OR2L13: variants seen among roughly 807,000 people sequenced by gnomAD.
OR2L13 encodes the protein olfactory receptor family 2 subfamily L member 13, also known as olfactory receptor 2L13.
Under a neutral mutation model 15.3 loss-of-function variants are expected in OR2L13, and 14 were observed. That is an observed-to-expected ratio of 0.91 (90% CI 0.60 to 1.43). The LOEUF is 1.43. Ranked by LOEUF, OR2L13 falls within the 40% of genes most tolerant of loss-of-function variation. The pLI, the probability that OR2L13 is intolerant of heterozygous loss-of-function variation, is 0.00. For synonymous variants in OR2L13, 152 were observed against 142.9 expected (o/e 1.06, Z -0.45); for missense variants, 367 against 387.9 (o/e 0.95, Z 0.45).
upstream of OR2L13, among the ~76,000 whole-genome samples, chr1:248,092,931 A>T (rs1388724018): frequency 6.6e-6 from 1 of 152,186 alleles, no homozygotes; most frequent in Non-Finnish European, 1.5e-5. Flanking sequence ...CCTCTAAAGA[A>T]TTTATGTTTC....
At chr1:248,076,209 T>A in the OR2L13 span, among the ~76,000 whole-genome samples, 18 of 152,308 alleles carry the variant, frequency 1.2e-4, no homozygotes, top group South Asian at 1.0e-3. Flanking sequence ...GGTCTATAAT[T>A]CTGTTTTGGT....
the OR2L13 span, chr1:247,965,406 A>T: frequency 6.2e-7 from 1 of 1,611,724 alleles, no homozygotes. Flanking sequence ...GTTTTGGGAC[A>T]GATTTTCTAC....
chr1:248,017,762 A>G, the OR2L13 span, among the ~76,000 whole-genome samples: 1 of 152,090 alleles, frequency 6.6e-6, no homozygotes, highest in Non-Finnish European at 1.5e-5. Flanking sequence ...TCCTAGTGGG[A>G]TGGAGTTCTG....
chr1:247,990,565 A>G, the OR2L13 span: 10 of 1,565,074 alleles, frequency 6.4e-6, 1 homozygote, highest in South Asian at 2.2e-5. Context: ...TGGGATTCAG[A>G]GTTTCTTCTT....
the OR2L13 span, chr1:248,041,682 A>G: frequency 1.3e-5 from 2 of 152,290 alleles, no homozygotes; most frequent in East Asian, 3.9e-4. Flanking sequence ...AAACAACCCC[A>G]TCAAAAAGTG....
upstream of OR2L13, among the ~76,000 whole-genome samples, chr1:248,095,946 C>T (rs138762735): frequency 6.6e-5 from 10 of 151,728 alleles, no homozygotes; most frequent in South Asian, 2.1e-4. Flanking sequence ...TGAAGAACTT[C>T]GGGCAAAGTG....
chr1:248,013,835 G>A, the OR2L13 span: 1 of 152,158 alleles, frequency 6.6e-6, no homozygotes, highest in African/African-American at 2.4e-5. Context: ...AAATCGAACT[G>A]AAGTTTGAGC....
chr1:248,002,675 G>A, the OR2L13 span, among the ~76,000 whole-genome samples: 1,576 of 152,174 alleles, frequency 0.01, 12 homozygotes, highest in Non-Finnish European at 0.015. Context: ...TGTGTAACAC[G>A]GTGAAACCCC....
the OR2L13 span, among the ~76,000 whole-genome samples, chr1:247,944,869 T>G: frequency 6.6e-6 from 1 of 152,140 alleles, no homozygotes; most frequent in African/African-American, 2.4e-5. Context: ...TGGTTTCTGA[T>G]TGTGTTTGTT....
At chr1:248,016,892 C>T in the OR2L13 span, among the ~76,000 whole-genome samples, 4,810 of 151,914 alleles carry the variant, frequency 0.032, 230 homozygotes, top group African/African-American at 0.11. Flanking sequence ...TATAAAATGT[C>T]GGTGGTGATG....
the OR2L13 span, among the ~76,000 whole-genome samples, chr1:248,070,234 T>C: frequency 6.6e-6 from 1 of 152,024 alleles, no homozygotes; most frequent in South Asian, 2.1e-4. Context: ...AGTAAAGCAC[T>C]CCTCAGCAAA....
At chr1:248,078,463 C>T in the OR2L13 span, among the ~76,000 whole-genome samples, 1 of 151,680 alleles carries the variant, frequency 6.6e-6, no homozygotes, top group Admixed American at 6.6e-5. Context: ...CAGAGCGAGA[C>T]TCCATCACAC....
At chr1:248,059,980 A>G in the OR2L13 span, among the ~76,000 whole-genome samples, 1 of 152,064 alleles carries the variant, frequency 6.6e-6, no homozygotes, top group African/African-American at 2.4e-5. Context: ...TCAAGGATGC[A>G]GTGAGCTATG....
the OR2L13 span, among the ~76,000 whole-genome samples, chr1:248,013,165 T>G: frequency 6.6e-6 from 1 of 152,102 alleles, no homozygotes; most frequent in African/African-American, 2.4e-5. Context: ...TTAATTAAAT[T>G]AACCTAGTTC....
chr1:248,022,919 G>A, the OR2L13 span: 2 of 1,561,060 alleles, frequency 1.3e-6, no homozygotes, highest in East Asian at 4.5e-5. Context: ...AAAGCGCTAG[G>A]TTCATATCAA....
At chr1:248,043,367 C>G in the OR2L13 span, among the ~76,000 whole-genome samples, 1 of 152,032 alleles carries the variant, frequency 6.6e-6, no homozygotes, top group Non-Finnish European at 1.5e-5. Flanking sequence ...TATGTTGAGG[C>G]AACAGTCCCA....
At chr1:247,955,098 C>T in the OR2L13 span, among the ~76,000 whole-genome samples, 1 of 151,836 alleles carries the variant, frequency 6.6e-6, no homozygotes, top group Non-Finnish European at 1.5e-5. Context: ...TCCCTCCCCC[C>T]TTCCCCCACC....
At chr1:247,966,041 T>C in the OR2L13 span, 1 of 1,614,132 alleles carries the variant, frequency 6.2e-7, no homozygotes. Context: ...GCTCGTGTGC[T>C]TATTGTGGTA....
upstream of OR2L13, among the ~76,000 whole-genome samples, chr1:248,095,684 G>A (rs1354587337): frequency 1.5e-5 from 2 of 134,366 alleles, no homozygotes; most frequent in East Asian, 2.4e-4. Context: ...TCAGCTCACT[G>A]CAACTTCTGC....
Sources: gnomAD v4.1 joint callset for allele counts (sites outside exome capture counted in the v4.1 genomes callset) on GRCh38, gnomAD v4.1.1 for gene constraint, MANE v1.5 for transcripts, NCBI Gene and HGNC (gene_info 2026-07-23, HGNC 2026-07-21) for gene names.